Variants in MYH6 observed in about 807,000 individuals in gnomAD.
MYH6 encodes the protein myosin heavy chain 6.
A neutral mutation model predicts 223.2 loss-of-function variants in MYH6; 126 were observed. The observed-to-expected ratio is 0.56, with a 90% CI of 0.49 to 0.65. The LOEUF (loss-of-function observed/expected upper bound fraction) is 0.65, where lower values mean the gene tolerates loss of function less well. Ranked by LOEUF, MYH6 falls within the 30% of genes least tolerant of loss-of-function variation. MYH6 has a pLI of 0.00. For missense variants in MYH6, 2,040 were observed against 2,536.4 expected (o/e 0.80, Z 4.20); for synonymous variants, 978 against 1,010.2 (o/e 0.97, Z 0.61).
chr14:23,390,913 A>G (rs1891220639), intron 25 of MYH6, among the ~76,000 whole-genome samples: 1 of 152,214 alleles, frequency 6.6e-6, no homozygotes, highest in Non-Finnish European at 1.5e-5. Flanking sequence ...AAACAATCAG[A>G]TACCTTTGCA....
At chr14:23,392,856 C>A in intron 24 of MYH6, 56 bp downstream of exon 24, 1 of 1,608,438 alleles carries the variant, frequency 6.2e-7, no homozygotes, top group East Asian at 2.2e-5. Context: ...ACCCTGCACT[C>A]TATCTACCAG....
In MYH6 at chr14:23,397,504, A is replaced by G. The variant is rs412768; in HGVS notation, c.1962+39T>C. The G allele has an allele frequency of 0.31, 498,006 of 1,605,766 alleles. 80,271 individuals carry two copies. Among genetic ancestry groups the G allele is most frequent in the African/African-American group, 0.48 (35,997 of 74,796 alleles). On this transcript the variant is annotated intron_variant, in intron 16 of 38. Transcript: ENST00000405093. ...CAGCCAGAAGTCTCTGGGCTGGGCCATTCCACCAGGTGTCCTGGCACCCCT... is the reference window on the plus strand; with the variant it reads ...CAGCCAGAAGTCTCTGGGCTGGGCCGTTCCACCAGGTGTCCTGGCACCCCT...
rs727503232 is a variant in MYH6 at position 23,384,493 on chromosome 14, C to T, written c.5514G>A (p.Ser1838=). Residue 1838 remains serine, a synonymous_variant, in exon 36 of 39, where the codon TCG becomes TCA. Transcript: ENST00000405093. ...GCTCGCTCTTCCTCATGCCCTTCAC[C>T]GACTCTGCGTTGCGCTTCTGCTCGG... ...LEAEQKRNAE[S]VKGMRKSERR... is the part of the protein sequence containing the mutation. 15 of 1,612,834 alleles carry T rather than the reference C, an allele frequency of 9.3e-6. No homozygotes were observed. The highest frequency in any genetic ancestry group is 1.3e-5 in the African/African-American group (1 of 74,928).
At chr14:23,386,656 G>C (rs1242421783) in intron 32 of MYH6, 33 bp from the exon 33 acceptor site, 1 of 1,589,396 alleles carries the variant, frequency 6.3e-7, no homozygotes. Context: ...CGGGCAGACA[G>C]GGCACAGGGC....
intron 25 of MYH6, among the ~76,000 whole-genome samples, chr14:23,390,754 T>A (rs1478397605): frequency 6.6e-6 from 1 of 152,134 alleles, no homozygotes; most frequent in Non-Finnish European, 1.5e-5. Context: ...CAGCCCCAAA[T>A]CCTGAGAACC....
In MYH6 at chr14:23,396,798, C is replaced by A; in HGVS notation, c.2188G>T (p.Val730Leu). 1.2e-6 allele frequency: 2 copies of A among 1,613,990 alleles called. No homozygotes were observed. Among genetic ancestry groups the A allele is most frequent in the Non-Finnish European group, 1.7e-6 (2 of 1,179,866 alleles). ...FRQRYRILNP[V>L]AIPEGQFIDS... is the part of the protein sequence containing the mutation. Reference sequence around the variant, plus strand: ...ATGAACTGTCCCTCAGGGATGGCCACTGGGTTCAGGATGCGATACCTGAGG... The same window carrying A: ...ATGAACTGTCCCTCAGGGATGGCCAATGGGTTCAGGATGCGATACCTGAGG... The change falls in exon 19 of 39, where the codon GTG (valine) becomes TTG (leucine). Residue 730 changes from valine to leucine, a missense_variant. Physicochemically the swap from Val to Leu is conservative, Grantham distance 32. Around this residue, in one of 4 missense-constraint regions of MYH6, gnomAD observed 649 missense variants for 877.3 expected, o/e 0.74. Coordinates refer to ENST00000405093, the MANE Select transcript of MYH6 (RefSeq NM_002471.4).
At position 23,403,422 on chromosome 14, in the gene MYH6, A is replaced by T. The variant is rs201327273; in HGVS notation, c.824T>A (p.Ile275Asn). ...ETYLLEKSRVIFQLKAERNYH... is the reference protein window; with the variant it reads ...ETYLLEKSRVNFQLKAERNYH... ...GTTTCTCTCAGCTTTCAGCTGGAAG[A>T]TCACCCGGGACTTCTCCAGCAGGTC... Residue 275 changes from isoleucine to asparagine, a missense_variant, in exon 10 of 39, where the codon ATC becomes AAC. Ile to Asn is a moderately radical substitution (Grantham distance 149). This residue lies in a region of MYH6 where 649 missense variants were observed against 877.3 expected (regional missense o/e 0.74). Transcript: ENST00000405093. 232 of 1,613,924 alleles carry T rather than the reference A, an allele frequency of 1.4e-4. No homozygotes were observed. Among genetic ancestry groups the T allele is most frequent in the Middle Eastern group, 4.9e-4 (3 of 6,084 alleles).
rs928679294 is a variant in MYH6 at position 23,407,615 on chromosome 14, C to A, written c.-46-7G>T. The A allele has an allele frequency of 8.8e-7, 1 of 1,141,290 alleles. No individual in the cohort carries two copies. Among genetic ancestry groups the A allele is most frequent in the Non-Finnish European group, 1.1e-6 (1 of 920,698 alleles). 70.7% of individuals were successfully genotyped at this position (1,141,290 alleles called of 1,614,324 possible). A position where few individuals can be genotyped will look rare whatever the true frequency, so the allele number is the denominator to read the frequency against. ...ACGGAGAATCCTGAAGAATCTGGAC[C>A]GTGGGTGGAGCAAGGAACAACAGAG... On this transcript the variant is annotated splice_region_variant and splice_polypyrimidine_tract_variant and intron_variant, in intron 1 of 38. Coordinates refer to ENST00000405093, the MANE Select transcript of MYH6 (RefSeq NM_002471.4). This position sits in a 1 kb window ranked among gnomAD's most constrained non-coding sequence, Gnocchi z 5.6.
Position 23,403,563 on chromosome 14 carries a change from C to T in MYH6, c.800-117G>A, listed in dbSNP as rs754590825. On this transcript the variant is annotated intron_variant, in intron 9 of 38. Transcript: ENST00000405093. Reference sequence around the variant, plus strand: ...CCACAGCTTGATGAAGAGGGCCAGGCGAGAAGATGTGGCTTAAATAAAAAG... The same window carrying T: ...CCACAGCTTGATGAAGAGGGCCAGGTGAGAAGATGTGGCTTAAATAAAAAG... The T allele has an allele frequency of 7.3e-5, 85 of 1,166,810 alleles. 1 individual carries two copies. Among genetic ancestry groups the T allele is most frequent in the South Asian group, 1.5e-4 (12 of 81,548 alleles). 72.3% of individuals were successfully genotyped at this position (1,166,810 alleles called of 1,614,324 possible). A position where few individuals can be genotyped will look rare whatever the true frequency, so the allele number is the denominator to read the frequency against.
rs1427316896 is a variant in MYH6, at chr14:23,405,405, T to C, written c.346-26A>G. On this transcript the variant is annotated intron_variant, in intron 4 of 38. Transcript: ENST00000405093. This position sits in a 1 kb window ranked among gnomAD's most constrained non-coding sequence, Gnocchi z 4.7. ...CTGGAGCAGGAGACAAGGCTGGGCA[T>C]GAGGTTGGTGGGGAGAGCCTGGGAC... 2.5e-6 allele frequency: 4 copies of C among 1,613,786 alleles called. No homozygotes were observed. The highest frequency in any genetic ancestry group is 3.4e-6 in the Non-Finnish European group (4 of 1,179,890).
intron 26 of MYH6, 104 bp downstream of exon 26, chr14:23,389,953 G>T: frequency 6.2e-7 from 1 of 1,606,004 alleles, no homozygotes; most frequent in Non-Finnish European, 8.5e-7. Flanking sequence ...AAAGGGTGAT[G>T]AAGAGAATGA....
chr14:23,405,514 A>G lies in MYH6; in HGVS notation c.345+113T>C. 1 of 1,596,276 alleles carries G rather than the reference A, an allele frequency of 6.3e-7. No homozygotes were observed. The highest frequency in any genetic ancestry group is 1.1e-5 in the South Asian group (1 of 90,202). On this transcript the variant is annotated intron_variant, in intron 4 of 38. Coordinates refer to ENST00000405093, the MANE Select transcript of MYH6 (RefSeq NM_002471.4). This position sits in a 1 kb window ranked among gnomAD's most constrained non-coding sequence, Gnocchi z 4.7. Reference sequence around the variant, plus strand: ...CAGCTGACTAGGGGTGGAGGGGGGAAGGGGACTTGGGTCCCTTGGGAGTCT... The same window carrying G: ...CAGCTGACTAGGGGTGGAGGGGGGAGGGGGACTTGGGTCCCTTGGGAGTCT...
intron 14 of MYH6, 44 bp downstream of exon 14, chr14:23,400,212 G>A (rs761682872): frequency 1.9e-6 from 3 of 1,613,926 alleles, no homozygotes; most frequent in Non-Finnish European, 2.5e-6. Flanking sequence ...CACTTTGTCT[G>A]GATGGCAGAG....
rs746893658 is a variant in MYH6 at position 23,388,208 on chromosome 14, G to T, written c.4306C>A (p.Arg1436Ser). 2.5e-6 allele frequency: 4 copies of T among 1,612,390 alleles called. No homozygotes were observed. The highest frequency in any genetic ancestry group is 3.4e-6 in the Non-Finnish European group (4 of 1,180,030). Residue 1436 changes from arginine (R) to serine (S), a missense_variant, in exon 30 of 39, where the codon CGC (arginine) becomes AGC (serine). Coordinates refer to ENST00000405093, the MANE Select transcript of MYH6 (RefSeq NM_002471.4). The stretch of plus-strand genomic sequence containing the variant: ...AGGGCTGCAGCAGCAGCATTGGAGC[G>T]CTCTACGTCCACCATCAAGTCCTCT... ...EIEDLMVDVERSNAAAAALDK... is the reference protein window; with the variant it reads ...EIEDLMVDVESSNAAAAALDK...
In MYH6 at chr14:23,405,336, C is replaced by T; in HGVS notation, c.389G>A (p.Trp130Ter). 6.2e-7 allele frequency: 1 copy of T among 1,614,144 alleles called. No individual in the cohort carries two copies. Among genetic ancestry groups the T allele is most frequent in the Admixed American group, 1.7e-5 (1 of 60,020 alleles). ...CACCTCGGCATTGTACACCGGCAGCCACTTGTAGGGGTTGACAGTGACACA... is the reference window on the plus strand; with the variant it reads ...CACCTCGGCATTGTACACCGGCAGCTACTTGTAGGGGTTGACAGTGACACA... ...LFCVTVNPYKWLPVYNAEVVA... is the reference protein window; with the variant it reads ...LFCVTVNPYK Residue 130 changes from tryptophan (W) to a stop codon, truncating the protein, a stop_gained, in exon 5 of 39, where the codon TGG becomes TAG. Transcript: ENST00000405093. LOFTEE classifies it high-confidence loss of function. This position sits in a 1 kb window ranked among gnomAD's most constrained non-coding sequence, Gnocchi z 4.7.
Position 23,398,896 on chromosome 14 carries a change from C to T in MYH6, c.1723G>A (p.Glu575Lys). ...QKPRNIKGKQ[E>K]AHFSLIHYAG... The stretch of plus-strand genomic sequence containing the variant: ...TAGTGGATCAGGGAGAAGTGGGCTT[C>T]CTGCTTCCCCTTGATGTTGCGTGGC... Residue 575 changes from glutamate (E) to lysine (K), a missense_variant, in exon 15 of 39, where the codon GAA (glutamate) becomes AAA (lysine). By Grantham distance (56) the Glu-to-Lys change is moderately conservative. Around this residue, in one of 4 missense-constraint regions of MYH6, gnomAD observed 649 missense variants for 877.3 expected, o/e 0.74. Transcript: ENST00000405093. 1.2e-6 allele frequency: 2 copies of T among 1,614,110 alleles called. No individual in the cohort carries two copies. The highest frequency in any genetic ancestry group is 1.7e-6 in the Non-Finnish European group (2 of 1,180,032).
At position 23,386,455 on chromosome 14, in the gene MYH6, T is replaced by A. The variant is rs1891026110; in HGVS notation, c.4819A>T (p.Thr1607Ser). 1 of 1,614,066 alleles carries A rather than the reference T, an allele frequency of 6.2e-7. No homozygotes were observed. Among genetic ancestry groups the A allele is most frequent in the South Asian group, 1.1e-5 (1 of 91,088 alleles). ...CTCAGGACCTCGTTGCGGCTGCGTG[T>A]CTCTGCATCCAGGGAGGTCTGCAGC... ...DSLQTSLDAE[T>S]RSRNEVLRVK... The change falls in exon 33 of 39, where the codon ACA (threonine) becomes TCA (serine). Residue 1607 changes from threonine (T) to serine (S), a missense_variant. Thr to Ser is a moderately conservative substitution (Grantham distance 58). This residue lies in a region of MYH6 where 1,203 missense variants were observed against 1,400.2 expected (regional missense o/e 0.86). Transcript: ENST00000405093.
rs1595050469 is a variant in MYH6 at position 23,387,554 on chromosome 14, A to T, written c.4625T>A (p.Leu1542Gln). 3 of 1,614,056 alleles carry T rather than the reference A, an allele frequency of 1.9e-6. No individual in the cohort carries two copies. The highest frequency in any genetic ancestry group is 2.5e-6 in the Non-Finnish European group (3 of 1,180,008). ...RKQLEVEKLE[L>Q]QSALEEAEAS... ...CTCTGCCTCCTCCAGGGCTGACTGC[A>T]GCTCCAGCTTCTCCACCTCCAGCTG... The change falls in exon 32 of 39, where the codon CTG (leucine) becomes CAG (glutamine). Residue 1542 changes from leucine (L) to glutamine (Q), a missense_variant. By Grantham distance (113) the Leu-to-Gln change is moderately radical. This residue lies in a region of MYH6 where 1,203 missense variants were observed against 1,400.2 expected (regional missense o/e 0.86). Coordinates refer to ENST00000405093, the MANE Select transcript of MYH6 (RefSeq NM_002471.4).
chr14:23,394,275 G>T lies in MYH6; in HGVS notation c.2478C>A (p.Val826=), dbSNP rs369050841. 9 of 1,614,180 alleles carry T rather than the reference G, an allele frequency of 5.6e-6. No individual in the cohort carries two copies. Among genetic ancestry groups the T allele is most frequent in the Non-Finnish European group, 6.8e-6 (8 of 1,180,040 alleles). The change falls in exon 21 of 39, where the codon GTC becomes GTA. Residue 826 remains valine, a synonymous_variant. Transcript: ENST00000405093. Reference sequence around the variant, plus strand: ...AGAGCTTCATCCAGGGCCAATTCTTGACCCCCATGAAGGCCCGAATGTTCC... The same window carrying T: ...AGAGCTTCATCCAGGGCCAATTCTTTACCCCCATGAAGGCCCGAATGTTCC... ...IQWNIRAFMG[V]KNWPWMKLYF... is the part of the protein sequence containing the mutation.
Sources: gnomAD v4.1 joint callset for allele counts (sites outside exome capture counted in the v4.1 genomes callset) on GRCh38, gnomAD v4.1.1 for gene constraint, gnomAD v4.1.1 regional missense constraint, Gnocchi (gnomAD v3.1) non-coding constraint, MANE v1.5 for transcripts, NCBI Gene and HGNC (gene_info 2026-07-23, HGNC 2026-07-21) for gene names.